The following EVL variants were observed in gnomAD, a reference collection of about 807,000 sequenced individuals.
The protein encoded by EVL is Enah/Vasp-like.
A neutral mutation model predicts 59.6 loss-of-function variants in EVL; 21 were observed. The observed-to-expected ratio is 0.35, with a 90% CI of 0.25 to 0.51. The LOEUF (loss-of-function observed/expected upper bound fraction) is 0.51, where lower values mean the gene tolerates loss of function less well. Ranked by LOEUF, EVL falls within the 20% of genes least tolerant of loss-of-function variation. EVL has a pLI of 0.97. For synonymous variants in EVL, 198 were observed against 203.5 expected, an observed-to-expected ratio of 0.97 and a Z score of 0.23; for missense variants, 462 against 546.6, an observed-to-expected ratio of 0.85 and a Z score of 1.54.
At chr14:100,090,632 C>A (rs77230858) in intron 2 of EVL, among the ~76,000 whole-genome samples, 6,689 of 152,122 alleles carry the variant, frequency 0.044, 213 homozygotes, top group African/African-American at 0.076. Context: ...TCCAGGAATG[C>A]AAGATTGATT....
intron 1 of EVL, among the ~76,000 whole-genome samples, chr14:100,060,168 C>T (rs1595111288): frequency 6.6e-6 from 1 of 151,606 alleles, no homozygotes; most frequent in African/African-American, 2.4e-5. Context: ...CGGTGGCTCA[C>T]GCCTGTAATC....
chr14:100,063,089 C>A (rs1036077633), upstream of EVL, among the ~76,000 whole-genome samples: 4 of 152,130 alleles, frequency 2.6e-5, no homozygotes, highest in Admixed American at 2.0e-4. Context: ...CAGCAAGAGA[C>A]CCTGCCTCTA....
chr14:100,129,046 C>T (rs1369724429), intron 6 of EVL, among the ~76,000 whole-genome samples: 2 of 152,140 alleles, frequency 1.3e-5, no homozygotes, highest in Non-Finnish European at 2.9e-5. Flanking sequence ...CAAGTCACAC[C>T]GTTTACAAAT....
At position 99,972,349 on chromosome 14, in the gene EVL, C is replaced by A. The variant is rs1412984866; in HGVS notation, c.5+292C>A. Among the ~76,000 whole-genome samples the A allele has an allele frequency of 6.6e-6, 1 of 152,046 alleles. No individual in the cohort carries two copies. The highest frequency in any genetic ancestry group is 2.4e-5 in the African/African-American group (1 of 41,404). On this transcript the variant is annotated intron_variant, in intron 1 of 13. Coordinates refer to the EVL transcript ENST00000402714. The surrounding 1 kb of genome is among the most constrained non-coding windows in gnomAD (Gnocchi z 4.4). ...GCTGCTTGTGGGGTCCTCTTAGGCTCCGGGGGGCCTGCGGCGGCCTGGGAG... is the reference window on the plus strand; with the variant it reads ...GCTGCTTGTGGGGTCCTCTTAGGCTACGGGGGGCCTGCGGCGGCCTGGGAG...
intron 1 of EVL, among the ~76,000 whole-genome samples, chr14:100,044,805 T>C (rs1031351915): frequency 5.3e-5 from 8 of 152,120 alleles, no homozygotes; most frequent in African/African-American, 1.9e-4. Flanking sequence ...CTCCCCAGTA[T>C]AGCTTGGATG....
intron 11 of EVL, chr14:100,139,748 C>G (rs1889044796): frequency 6.6e-6 from 1 of 152,284 alleles, no homozygotes; most frequent in Admixed American, 6.5e-5. Flanking sequence ...CCAAGGCTGG[C>G]CCTGCCAGAT....
Position 100,045,091 on chromosome 14 carries a change from G to A in EVL, c.6-39596G>A, listed in dbSNP as rs192559724. On this transcript the variant is annotated intron_variant, in intron 1 of 13. Transcript: ENST00000402714. ...TTGGTAAGCCTGATGATGTAGTTAA[G>A]GCAGCCACCTCACTCCCGTCTGCAG... Among the ~76,000 whole-genome samples the A allele has an allele frequency of 5.3e-5, 8 of 152,332 alleles. No homozygotes were observed. In the East Asian group the frequency reaches 1.5e-3, roughly 29 times the overall value.
rs180957153 is a variant in EVL at position 100,121,278 on chromosome 14, C to T, written c.359-2261C>T. 7.6e-4 allele frequency among the ~76,000 whole-genome samples: 116 copies of T among 152,296 alleles called. 3 individuals are homozygous for T. The highest frequency in any genetic ancestry group is 7.5e-3 in the Admixed American group (115 of 15,294). ...CAGCAGTCTGCAGCAATGACCTTCC[C>T]TGTCCCTCCCCCCGACTGCCACGGG... On this transcript the variant is annotated intron_variant, in intron 3 of 13. Coordinates refer to ENST00000392920, the MANE Select transcript of EVL (RefSeq NM_016337.3).
intron 2 of EVL, among the ~76,000 whole-genome samples, chr14:100,086,346 A>G (rs1397005599): frequency 2.6e-5 from 4 of 152,368 alleles, no homozygotes; most frequent in Non-Finnish European, 5.9e-5. Flanking sequence ...TTATGGTGAC[A>G]GTCAAAAATA....
At chr14:100,047,518 A>G (rs1236356335) in intron 1 of EVL, among the ~76,000 whole-genome samples, 1 of 152,184 alleles carries the variant, frequency 6.6e-6, no homozygotes, top group African/African-American at 2.4e-5. Flanking sequence ...GCTCCGGGAC[A>G]GACAGCCCTG....
At chr14:99,983,305 A>C (rs1390873513) in intron 1 of EVL, among the ~76,000 whole-genome samples, 1 of 152,226 alleles carries the variant, frequency 6.6e-6, no homozygotes, top group Non-Finnish European at 1.5e-5. Flanking sequence ...AGAGGCGATA[A>C]TTGTACCAGA....
At chr14:100,001,544 C>T (rs1402138522) in intron 1 of EVL, among the ~76,000 whole-genome samples, 1 of 152,174 alleles carries the variant, frequency 6.6e-6, no homozygotes, top group Non-Finnish European at 1.5e-5. Context: ...AATTATTTCT[C>T]ACATAGGCTT....
intron 1 of EVL, among the ~76,000 whole-genome samples, chr14:99,981,777 A>G (rs2060808150): frequency 6.6e-6 from 1 of 152,264 alleles, no homozygotes; most frequent in African/African-American, 2.4e-5. Flanking sequence ...AAATGCTAGC[A>G]AAGTGAGCAT....
upstream of EVL, among the ~76,000 whole-genome samples, chr14:100,063,485 G>C (rs1054995538): frequency 1.3e-5 from 2 of 152,170 alleles, no homozygotes; most frequent in African/African-American, 4.8e-5. Flanking sequence ...TCAGTTTGTG[G>C]TAATTTGTTA....
chr14:100,124,027 A>G (rs1456566914), intron 4 of EVL, among the ~76,000 whole-genome samples: 1 of 152,200 alleles, frequency 6.6e-6, no homozygotes, highest in African/African-American at 2.4e-5. Context: ...CCCTCACCCC[A>G]TGGAGCTTCT....
intron 1 of EVL, among the ~76,000 whole-genome samples, chr14:100,077,547 C>T (rs926816943): frequency 2.0e-5 from 3 of 152,178 alleles, no homozygotes; most frequent in Non-Finnish European, 2.9e-5. Flanking sequence ...TGTATTGGTG[C>T]TCGTGTAAAC....
intron 2 of EVL, chr14:100,085,070 T>C: frequency 2.0e-6 from 1 of 505,832 alleles, no homozygotes; most frequent in South Asian, 3.2e-5. Context: ...ACCTATGTCA[T>C]ATGGAGACAG....
intron 1 of EVL, among the ~76,000 whole-genome samples, chr14:100,038,522 TA>T (rs1316584959): frequency 1.3e-5 from 2 of 152,250 alleles, no homozygotes; most frequent in African/African-American, 4.8e-5. Flanking sequence ...GATACTGTCT[TA>T]ACAAGCGGAA....
rs561280355 is a variant in EVL, at chr14:100,019,811, G to A, written c.5+47754G>A. ...AAAAAAACAGGGTTCTTTTCAGCTT[G>A]TGGTGGGGTTTATCCCAGTCATGGG... On this transcript the variant is annotated intron_variant, in intron 1 of 13. Coordinates refer to the EVL transcript ENST00000402714. 1.5e-4 allele frequency: 149 copies of A among 967,384 alleles called. No homozygotes were observed. In the Middle Eastern group the frequency reaches 1.7e-3, roughly 11 times the overall value. 59.9% of individuals were successfully genotyped at this position (967,384 alleles called of 1,614,324 possible).
Sources: gnomAD v4.1 joint callset for allele counts (sites outside exome capture counted in the v4.1 genomes callset) on GRCh38, gnomAD v4.1.1 for gene constraint, Gnocchi (gnomAD v3.1) non-coding constraint, MANE v1.5 for transcripts, NCBI Gene and HGNC (gene_info 2026-07-23, HGNC 2026-07-21) for gene names.